SPATA6: variants seen among roughly 807,000 people sequenced by gnomAD.
SPATA6 encodes spermatogenesis-associated protein 6.
Under a neutral mutation model 65.3 loss-of-function variants are expected in SPATA6, and 56 were observed. The observed-to-expected ratio is 0.86, with a 90% CI of 0.69 to 1.07. The LOEUF is 1.07. Ranked by LOEUF, SPATA6 falls within the 50% of genes least tolerant of loss-of-function variation. The probability of loss-of-function intolerance (pLI) is 0.00; values close to 1 mark genes in which losing one functional copy is unlikely to be tolerated. For synonymous variants in SPATA6, 199 were observed against 213.2 expected (o/e 0.93, Z 0.58); for missense variants, 590 against 594.8 (o/e 0.99, Z 0.08).
In SPATA6 at chr1:48,429,650, A is replaced by C. The variant is rs571770883; in HGVS notation, c.239-16499T>G. On this transcript the variant is annotated intron_variant, in intron 3 of 12. Transcript: ENST00000371847. Reference sequence around the variant, plus strand: ...AAAGGAAGAAAATAAATCGGCAGAAACTACCTGTGGAAAAGACCTTATGGC... The same window carrying C: ...AAAGGAAGAAAATAAATCGGCAGAACCTACCTGTGGAAAAGACCTTATGGC... Among the ~76,000 whole-genome samples, 74 of 152,270 alleles carry C rather than the reference A, an allele frequency of 4.9e-4. No homozygotes were observed. The South Asian group carries it at 6.0e-3, about 12-fold the overall frequency.
chr1:48,387,511 C>A (rs1320024501), intron 8 of SPATA6, among the ~76,000 whole-genome samples: 1 of 152,186 alleles, frequency 6.6e-6, no homozygotes, highest in Non-Finnish European at 1.5e-5. Flanking sequence ...CATCTCCAGC[C>A]CCAAGTAGCA....
At chr1:48,275,386 A>G in the SPATA6 span, among the ~76,000 whole-genome samples, 1 of 152,108 alleles carries the variant, frequency 6.6e-6, no homozygotes, top group Non-Finnish European at 1.5e-5. Flanking sequence ...GTTGAATAGG[A>G]GTGGTAAGAG....
At chr1:48,377,650 T>C (rs1019687261) in intron 9 of SPATA6, among the ~76,000 whole-genome samples, 1 of 152,222 alleles carries the variant, frequency 6.6e-6, no homozygotes, top group Non-Finnish European at 1.5e-5. Context: ...TTCACTACCA[T>C]GAAATACCCA....
Position 48,418,098 on chromosome 1 carries a change from G to A in SPATA6, c.239-4947C>T, listed in dbSNP as rs775747476. 2.0e-5 allele frequency among the ~76,000 whole-genome samples: 3 copies of A among 152,240 alleles called. No individual in the cohort carries two copies. The South Asian group carries it at 6.2e-4, about 32-fold the overall frequency. On this transcript the variant is annotated intron_variant, in intron 3 of 12. Transcript: ENST00000371847. ...TTCTCTATATTGTCTTTTAGTAATT[G>A]TGTCTGTACAGGTAATTTAAAAACA... is the stretch of plus-strand genomic sequence containing the variant.
intron 3 of SPATA6, among the ~76,000 whole-genome samples, chr1:48,417,634 T>C (rs942330186): frequency 1.3e-5 from 2 of 151,894 alleles, no homozygotes; most frequent in Non-Finnish European, 2.9e-5. Context: ...GCCAATATGG[T>C]GAAACCCTGT....
At chr1:48,318,230 T>C (rs1296113710) in intron 11 of SPATA6, among the ~76,000 whole-genome samples, 1 of 152,162 alleles carries the variant, frequency 6.6e-6, no homozygotes, top group Admixed American at 6.6e-5. Flanking sequence ...AAAACAAGGA[T>C]GGGCACTCTC....
intron 3 of SPATA6, among the ~76,000 whole-genome samples, chr1:48,425,046 T>TAACCAAA (rs1653709232): frequency 6.6e-6 from 1 of 152,210 alleles, no homozygotes; most frequent in Non-Finnish European, 1.5e-5. Flanking sequence ...TGAGGGGTAG[T>TAACCAAA]GCTCAAGAAG....
At chr1:48,446,087 G>T (rs554564818) in intron 3 of SPATA6, among the ~76,000 whole-genome samples, 1 of 152,140 alleles carries the variant, frequency 6.6e-6, no homozygotes, top group Non-Finnish European at 1.5e-5. Context: ...CAAGGAAGAT[G>T]TAAAAAGAAT....
At chr1:48,276,940 A>G in the SPATA6 span, among the ~76,000 whole-genome samples, 1 of 151,630 alleles carries the variant, frequency 6.6e-6, no homozygotes, top group Non-Finnish European at 1.5e-5. Context: ...CAAGTCTTCC[A>G]CTATTATTGT....
chr1:48,428,889 G>T (rs201054444), intron 3 of SPATA6, among the ~76,000 whole-genome samples: 3 of 141,618 alleles, frequency 2.1e-5, no homozygotes, highest in Non-Finnish European at 4.8e-5. Flanking sequence ...GTGTGTGTGT[G>T]TGTTTGTGTG....
At chr1:48,266,204 A>G in the SPATA6 span, among the ~76,000 whole-genome samples, 1 of 152,246 alleles carries the variant, frequency 6.6e-6, no homozygotes, top group Non-Finnish European at 1.5e-5. Flanking sequence ...ATGGAAAACT[A>G]GCTTCCTCCA....
chr1:48,289,194 G>A, the SPATA6 span, among the ~76,000 whole-genome samples: 1 of 152,198 alleles, frequency 6.6e-6, no homozygotes, highest in Non-Finnish European at 1.5e-5. Context: ...TGCAATATTT[G>A]CTGTTCTGCA....
intron 8 of SPATA6, among the ~76,000 whole-genome samples, chr1:48,385,925 T>C (rs1649414087): frequency 6.6e-6 from 1 of 152,180 alleles, no homozygotes; most frequent in Non-Finnish European, 1.5e-5. Context: ...CATAATATTG[T>C]TTTAAAGATT....
intron 4 of SPATA6, among the ~76,000 whole-genome samples, chr1:48,412,169 T>C (rs1363038621): frequency 6.6e-6 from 1 of 152,156 alleles, no homozygotes. Flanking sequence ...CAGCACTCTA[T>C]TTTTCACATA....
the SPATA6 span, among the ~76,000 whole-genome samples, chr1:48,273,340 C>A: frequency 2.0e-5 from 3 of 151,874 alleles, no homozygotes; most frequent in Non-Finnish European, 4.4e-5. Context: ...TACAGTTTGC[C>A]AAACATCATT....
At chr1:48,269,888 TA>T in the SPATA6 span, among the ~76,000 whole-genome samples, 697 of 150,634 alleles carry the variant, frequency 4.6e-3, 4 homozygotes, top group Middle Eastern at 0.01. Context: ...ATTTTACCTT[TA>T]AAAAAAAAGA....
intron 3 of SPATA6, among the ~76,000 whole-genome samples, chr1:48,416,093 C>T (rs1177467504): frequency 6.6e-6 from 1 of 152,094 alleles, no homozygotes; most frequent in East Asian, 1.9e-4. Context: ...GTCCCAGCTA[C>T]TCGGGAGGCT....
chr1:48,343,951 CAAA>C (rs1646290837), intron 11 of SPATA6, among the ~76,000 whole-genome samples: 1 of 151,792 alleles, frequency 6.6e-6, no homozygotes, highest in Non-Finnish European at 1.5e-5. Flanking sequence ...TAACTCAACC[CAAA>C]AGAGGATAAA....
At chr1:48,367,143 G>A (rs1310660746) in intron 9 of SPATA6, among the ~76,000 whole-genome samples, 1 of 152,122 alleles carries the variant, frequency 6.6e-6, no homozygotes, top group Non-Finnish European at 1.5e-5. Context: ...TAGTTTGATT[G>A]CACTGTGGTC....
Sources: gnomAD v4.1 joint callset for allele counts (sites outside exome capture counted in the v4.1 genomes callset) on GRCh38, gnomAD v4.1.1 for gene constraint, MANE v1.5 for transcripts, NCBI Gene and HGNC (gene_info 2026-07-23, HGNC 2026-07-21) for gene names.